TRPV4: variants seen among roughly 807,000 people sequenced by gnomAD.
The protein encoded by TRPV4 is OSM9-like transient receptor potential channel 4.
In TRPV4, 58 loss-of-function variants were observed where a neutral mutation model predicts 84.1. The observed-to-expected ratio is 0.69, with a 90% CI of 0.56 to 0.86. The LOEUF (loss-of-function observed/expected upper bound fraction) is 0.86, where lower values mean the gene tolerates loss of function less well. TRPV4 is among the 40% of genes least tolerant of loss of function. The probability of loss-of-function intolerance (pLI) is 0.00; values close to 1 mark genes in which losing one functional copy is unlikely to be tolerated. For synonymous variants in TRPV4, 489 were observed against 500.9 expected (o/e 0.98, Z 0.32); for missense variants, 879 against 1,181.1 (o/e 0.74, Z 3.75).
At position 109,814,950 on chromosome 12, in the gene TRPV4, A is replaced by G; in HGVS notation, c.-31-123T>C. ...GCTTCAAAGCCACCGTTGTAATGAC[A>G]GGGGCACAGGGAGGCCACTCCCAGA... is the stretch of plus-strand genomic sequence containing the variant. On this transcript the variant is annotated intron_variant, in intron 1 of 15. Transcript: ENST00000261740. This position sits in a 1 kb window ranked among gnomAD's most constrained non-coding sequence, Gnocchi z 5.4. 1.1e-6 allele frequency: 1 copy of G among 935,594 alleles called. No individual in the cohort carries two copies. Among genetic ancestry groups the G allele is most frequent in the Non-Finnish European group, 1.6e-6 (1 of 634,570 alleles). The allele number at this position is 935,594 out of a possible 1,614,324, so 58.0% of individuals were successfully genotyped here.
intron 1 of TRPV4, among the ~76,000 whole-genome samples, chr12:109,818,631 T>C (rs1029746613): frequency 6.6e-6 from 1 of 152,120 alleles, no homozygotes; most frequent in Non-Finnish European, 1.5e-5. Flanking sequence ...AAATGGGGAT[T>C]GCAATAATAG....
intron 1 of TRPV4, among the ~76,000 whole-genome samples, chr12:109,816,852 T>A (rs1019319397): frequency 1.3e-5 from 2 of 152,234 alleles, no homozygotes; most frequent in African/African-American, 4.8e-5. Flanking sequence ...AGTGGGACTT[T>A]CAGTTATTAT....
At chr12:109,805,973 T>C (rs78478136) in intron 3 of TRPV4, among the ~76,000 whole-genome samples, 1 of 152,292 alleles carries the variant, frequency 6.6e-6, no homozygotes, top group East Asian at 1.9e-4. Flanking sequence ...TACCCCAAGA[T>C]TCCGCACTTT....
At chr12:109,797,594 C>T (rs1186356467) in intron 6 of TRPV4, among the ~76,000 whole-genome samples, 1 of 152,218 alleles carries the variant, frequency 6.6e-6, no homozygotes, top group Non-Finnish European at 1.5e-5. Context: ...GCTAGGATTA[C>T]AGACACGAGC....
In TRPV4 at chr12:109,814,414, A is replaced by G. The variant is rs752668897; in HGVS notation, c.383T>C (p.Ile128Thr). ...SDNKRWRKKI[I>T]EKQPQSPKAP... ...CCAGGAAGCTAACAATACTCACTCT[A>G]TGATCTTCTTCCTCCACCTCTTGTT... Residue 128 changes from isoleucine (I) to threonine (T), a missense_variant, in exon 2 of 16, where the codon ATA (isoleucine) becomes ACA (threonine). Physicochemically the swap from Ile to Thr is moderately conservative, Grantham distance 89 (BLOSUM62 -1). Around this residue, in one of 4 missense-constraint regions of TRPV4, gnomAD observed 521 missense variants for 686.6 expected, o/e 0.76. Coordinates refer to ENST00000261740, the MANE Select transcript of TRPV4 (RefSeq NM_021625.5). The surrounding 1 kb of genome is among the most constrained non-coding windows in gnomAD (Gnocchi z 5.4). 2.5e-6 allele frequency: 4 copies of G among 1,614,052 alleles called. No individual in the cohort carries two copies. The highest frequency in any genetic ancestry group is 2.2e-5 in the South Asian group (2 of 91,028).
chr12:109,789,548 T>A (rs1889907008), intron 12 of TRPV4, among the ~76,000 whole-genome samples: 2 of 152,258 alleles, frequency 1.3e-5, no homozygotes, highest in African/African-American at 4.8e-5. Flanking sequence ...TCTAGACATC[T>A]CAAACTCATC....
chr12:109,808,228 G>T (rs1475650835), intron 3 of TRPV4, 68 bp downstream of exon 3: 2 of 1,583,692 alleles, frequency 1.3e-6, no homozygotes, highest in Non-Finnish European at 1.7e-6. Context: ...GGGAAAGGGG[G>T]CCCCCAATGC....
Position 109,786,866 on chromosome 12 carries a change from T to A in TRPV4, c.2209-29A>T, listed in dbSNP as rs760984145. The A allele has an allele frequency of 5.0e-6, 8 of 1,613,072 alleles. No individual in the cohort carries two copies. Among genetic ancestry groups the A allele is most frequent in the Non-Finnish European group, 6.8e-6 (8 of 1,179,844 alleles). On this transcript the variant is annotated intron_variant, in intron 13 of 15. Transcript: ENST00000261740. The surrounding 1 kb of genome is among the most constrained non-coding windows in gnomAD (Gnocchi z 4.5). ...CGGGGAGGGAGGGTCAGGAGGGACA[T>A]CGGTGAGCCTCACAGCCTGCGCCTG...
chr12:109,810,903 G>C (rs1051809180), intron 2 of TRPV4, among the ~76,000 whole-genome samples: 5 of 152,062 alleles, frequency 3.3e-5, no homozygotes, highest in African/African-American at 1.2e-4. Flanking sequence ...GGAAGGCTTG[G>C]GGACAGAAGG....
At chr12:109,820,386 CCT>C (rs1892044364) in intron 1 of TRPV4, among the ~76,000 whole-genome samples, 1 of 137,556 alleles carries the variant, frequency 7.3e-6, no homozygotes. Context: ...CTCATGGCCC[CCT>C]GAGCCGGTGG....
intron 3 of TRPV4, among the ~76,000 whole-genome samples, chr12:109,806,636 C>T (rs1891152485): frequency 6.6e-6 from 1 of 150,404 alleles, no homozygotes; most frequent in Non-Finnish European, 1.5e-5. Context: ...AGGAGGATCG[C>T]TTGAAGCCAG....
Position 109,798,650 on chromosome 12 carries a change from C to G in TRPV4, c.1116G>C (p.Ser372=). The change falls in exon 6 of 16, where the codon TCG becomes TCC. Residue 372 remains serine, a synonymous_variant. Coordinates refer to ENST00000261740, the MANE Select transcript of TRPV4 (RefSeq NM_021625.5). This position sits in a 1 kb window ranked among gnomAD's most constrained non-coding sequence, Gnocchi z 5.0. ...CCGTCTTGGCAGCCATCATGAGGGGCGAGAGGCCGTCGTTGTTGAGCACGG... is the reference window on the plus strand; with the variant it reads ...CCGTCTTGGCAGCCATCATGAGGGGGGAGAGGCCGTCGTTGTTGAGCACGG... ...LEAVLNNDGL[S]PLMMAAKTGK... is the part of the protein sequence containing the mutation. 6.2e-7 allele frequency: 1 copy of G among 1,612,776 alleles called. No individual in the cohort carries two copies. Among genetic ancestry groups the G allele is most frequent in the African/African-American group, 1.3e-5 (1 of 75,032 alleles).
chr12:109,795,941 T>TTGC (rs1456819872), intron 7 of TRPV4, among the ~76,000 whole-genome samples: 4 of 126,936 alleles, frequency 3.2e-5, no homozygotes, highest in Non-Finnish European at 5.0e-5. Context: ...TTTTTTTTGG[T>TTGC]AGAGACGGGG....
intron 1 of TRPV4, among the ~76,000 whole-genome samples, chr12:109,825,392 C>A (rs1892224324): frequency 1.3e-5 from 2 of 151,986 alleles, no homozygotes; most frequent in South Asian, 2.1e-4. Context: ...TACAGCTTAA[C>A]CCCACCCAGG....
At chr12:109,792,127 TC>T (rs1378667679) in intron 12 of TRPV4, among the ~76,000 whole-genome samples, 1 of 149,060 alleles carries the variant, frequency 6.7e-6, no homozygotes, top group Non-Finnish European at 1.5e-5. Context: ...GAGCCCGTAA[TC>T]CCAACTACGT....
chr12:109,830,653 G>A (rs1393201474), intron 1 of TRPV4, among the ~76,000 whole-genome samples: 1 of 152,186 alleles, frequency 6.6e-6, no homozygotes, highest in Non-Finnish European at 1.5e-5. Context: ...TGTTACCTGG[G>A]TCCCTATAAT....
rs2136469436 is a variant in TRPV4 at position 109,792,787 on chromosome 12, T to C, written c.1689A>G (p.Ser563=). ...YFIYSVLVIV[S]AALYLAGIEA... The stretch of plus-strand genomic sequence containing the variant: ...CGATCCCTGCCAGGTAGAGGGCTGC[T>C]GAGACGATCACCAGGACAGAGTAGA... The change falls in exon 11 of 16, where the codon TCA becomes TCG. Residue 563 remains serine, a synonymous_variant. Transcript: ENST00000261740. 6.2e-7 allele frequency: 1 copy of C among 1,613,970 alleles called. No homozygotes were observed.
chr12:109,794,548 C>T (rs1057444520), intron 7 of TRPV4, 61 bp from the exon 8 acceptor site: 1 of 1,590,006 alleles, frequency 6.3e-7, no homozygotes. Flanking sequence ...TCCAGGCAGG[C>T]TGCCTCGGGT....
Position 109,796,414 on chromosome 12 carries a change from G to A in TRPV4, c.1332+111C>T, listed in dbSNP as rs1036568292. 2.0e-5 allele frequency: 26 copies of A among 1,284,572 alleles called. No individual in the cohort carries two copies. Among genetic ancestry groups the A allele is most frequent in the Admixed American group, 5.8e-5 (3 of 51,588 alleles). The allele number at this position is 1,284,572 out of a possible 1,614,324, so 79.6% of individuals were successfully genotyped here. ...TGCATTCAGCCAACAGACCCACCAC[G>A]TTGGGTCCTAGAGGCTGGGGCTGTC... On this transcript the variant is annotated intron_variant, in intron 7 of 15. Transcript: ENST00000261740. The surrounding 1 kb of genome is among the most constrained non-coding windows in gnomAD (Gnocchi z 4.2).
Sources: gnomAD v4.1 joint callset for allele counts (sites outside exome capture counted in the v4.1 genomes callset) on GRCh38, gnomAD v4.1.1 for gene constraint, gnomAD v4.1.1 regional missense constraint, Gnocchi (gnomAD v3.1) non-coding constraint, MANE v1.5 for transcripts, NCBI Gene and HGNC (gene_info 2026-07-23, HGNC 2026-07-21) for gene names.